ZFYVE27: variants seen among roughly 807,000 people sequenced by gnomAD.
The protein encoded by ZFYVE27 is zinc finger FYVE-type containing 27, also known as protrudin.
Under a neutral mutation model 52.8 loss-of-function variants are expected in ZFYVE27, and 36 were observed. The ratio of observed to expected loss-of-function variants is 0.68; its 90% CI spans 0.52 to 0.90. The LOEUF (loss-of-function observed/expected upper bound fraction) is 0.90, where lower values mean the gene tolerates loss of function less well. ZFYVE27 is among the 40% of genes least tolerant of loss of function. The pLI, the probability that ZFYVE27 is intolerant of heterozygous loss-of-function variation, is 0.00. For missense variants in ZFYVE27, 450 were observed against 527.2 expected, an observed-to-expected ratio of 0.85 and a Z score of 1.43; for synonymous variants, 223 against 215.6, an observed-to-expected ratio of 1.03 and a Z score of -0.30.
intron 12 of ZFYVE27, 54 bp from the exon 13 acceptor site, chr10:97,759,182 C>A (rs773919785): frequency 9.4e-6 from 15 of 1,601,192 alleles, no homozygotes; most frequent in Non-Finnish European, 1.3e-5. Context: ...GTAGTTGGGG[C>A]CATGAACCAA....
intron 3 of ZFYVE27, among the ~76,000 whole-genome samples, chr10:97,744,180 A>G (rs528209330): frequency 1.0e-3 from 157 of 152,346 alleles, no homozygotes; most frequent in African/African-American, 3.3e-3. Context: ...AGCATTTATT[A>G]TGGGCCCGCT....
At chr10:97,743,013 T>C (rs2044159971) in intron 2 of ZFYVE27, 81 bp from the exon 3 acceptor site, 12 of 1,462,240 alleles carry the variant, frequency 8.2e-6, no homozygotes, top group Non-Finnish European at 1.1e-5. Context: ...TCTGGTTTGA[T>C]GTCCCGTCTG....
At chr10:97,739,505 G>A (rs936801837) in intron 2 of ZFYVE27, among the ~76,000 whole-genome samples, 7 of 151,652 alleles carry the variant, frequency 4.6e-5, no homozygotes, top group African/African-American at 1.7e-4. Flanking sequence ...TACTTATATG[G>A]CATTCTACTC....
Position 97,760,850 on chromosome 10 carries a change from A to T in ZFYVE27, c.*1550A>T, listed in dbSNP as rs1332788311. On this transcript the variant is annotated 3_prime_UTR_variant, in exon 13 of 13. Transcript: ENST00000684270. ...TTTACACTGGAGAGGAACTAAAAGG[A>T]TCTCTGTGTCTATGGAGAATTGTCA... 1 of 152,220 alleles carries T rather than the reference A, an allele frequency of 6.6e-6. No individual in the cohort carries two copies. The highest frequency in any genetic ancestry group is 1.5e-5 in the Non-Finnish European group (1 of 68,050). The allele number at this position is 152,220 out of a possible 1,614,324, so 9.4% of individuals were successfully genotyped here.
chr10:97,749,533 T>C lies in ZFYVE27; in HGVS notation c.611T>C (p.Val204Ala). 1.9e-6 allele frequency: 3 copies of C among 1,614,170 alleles called. No homozygotes were observed. Among genetic ancestry groups the C allele is most frequent in the Non-Finnish European group, 2.5e-6 (3 of 1,180,020 alleles). The stretch of plus-strand genomic sequence containing the variant: ...CTGTATTTGCTGCCACTCTGCTGGG[T>C]TCTCACCCTTTTAAACAGCACGCTC... ...CMLYLLPLCW[V>A]LTLLNSTLFL... The change falls in exon 6 of 13, where the codon GTT becomes GCT. Residue 204 changes from valine to alanine, a missense_variant. Coordinates refer to ENST00000684270, the MANE Select transcript of ZFYVE27 (RefSeq NM_001385875.1).
intron 10 of ZFYVE27, 151 bp from the exon 11 acceptor site, chr10:97,757,114 G>C: frequency 2.0e-6 from 2 of 980,790 alleles, no homozygotes; most frequent in Non-Finnish European, 3.1e-6. Context: ...CCTTCTTTCT[G>C]TCTCTGAATC....
At chr10:97,744,676 C>A in intron 3 of ZFYVE27, 53 bp from the exon 4 acceptor site, 1 of 1,603,798 alleles carries the variant, frequency 6.2e-7, no homozygotes, top group Non-Finnish European at 8.5e-7. Flanking sequence ...CTGGGTGGGC[C>A]GACTCCTGGT....
intron 11 of ZFYVE27, 97 bp downstream of exon 11, chr10:97,757,408 G>C (rs1281691365): frequency 5.7e-6 from 9 of 1,567,070 alleles, no homozygotes. Context: ...TCTGGCTCGG[G>C]TCACATTGGG....
At chr10:97,743,631 G>C (rs917469418) in intron 3 of ZFYVE27, among the ~76,000 whole-genome samples, 2 of 152,218 alleles carry the variant, frequency 1.3e-5, no homozygotes, top group Non-Finnish European at 2.9e-5. Context: ...CATGAGTAAA[G>C]GTACTGGGAT....
intron 10 of ZFYVE27, among the ~76,000 whole-genome samples, chr10:97,754,066 C>G (rs767206546): frequency 2.6e-5 from 4 of 152,118 alleles, no homozygotes; most frequent in Non-Finnish European, 4.4e-5. Context: ...AGGAAGGGCC[C>G]TCCTGCCTGC....
chr10:97,738,866 A>G (rs748517875), intron 2 of ZFYVE27, 192 bp downstream of exon 2: 1 of 631,332 alleles, frequency 1.6e-6, no homozygotes, highest in Non-Finnish European at 2.8e-6. Flanking sequence ...CAGGAGAGGC[A>G]GATACTGGGA....
At chr10:97,743,225 G>A (rs2044224553) in intron 3 of ZFYVE27, 61 bp downstream of exon 3, 1 of 1,575,074 alleles carries the variant, frequency 6.3e-7, no homozygotes, top group African/African-American at 1.3e-5. Flanking sequence ...AGAACACCTG[G>A]ATGCAGCCCC....
intron 3 of ZFYVE27, 79 bp downstream of exon 3, chr10:97,743,243 G>A: frequency 6.7e-7 from 1 of 1,491,394 alleles, no homozygotes; most frequent in East Asian, 2.3e-5. Flanking sequence ...CCCACCCTAT[G>A]TGTGGGAGCT....
At chr10:97,754,676 GT>G (rs1260481688) in intron 10 of ZFYVE27, 1 of 1,289,104 alleles carries the variant, frequency 7.8e-7, no homozygotes, top group African/African-American at 1.5e-5. Flanking sequence ...TCAGTGATCT[GT>G]TTACCCTCCA....
At chr10:97,741,722 C>A in intron 2 of ZFYVE27, among the ~76,000 whole-genome samples, 1 of 152,106 alleles carries the variant, frequency 6.6e-6, no homozygotes, top group South Asian at 2.1e-4. Flanking sequence ...CGTAACAAAC[C>A]TGCACGTTCT....
intron 3 of ZFYVE27, among the ~76,000 whole-genome samples, chr10:97,744,505 C>T (rs1225925519): frequency 1.3e-5 from 2 of 152,244 alleles, no homozygotes; most frequent in Non-Finnish European, 2.9e-5. Flanking sequence ...GAGGAGACAA[C>T]AGACATGCCT....
At chr10:97,745,951 A>T (rs1258030228) in intron 4 of ZFYVE27, among the ~76,000 whole-genome samples, 1 of 151,770 alleles carries the variant, frequency 6.6e-6, no homozygotes, top group Non-Finnish European at 1.5e-5. Flanking sequence ...CGAGTCAGTT[A>T]TCTGGAGTGG....
At chr10:97,757,339 G>T in intron 11 of ZFYVE27, 28 bp downstream of exon 11, 1 of 1,614,088 alleles carries the variant, frequency 6.2e-7, no homozygotes, top group Non-Finnish European at 8.5e-7. Flanking sequence ...TGCATTTGTT[G>T]GGGACAGTGT....
At chr10:97,758,097 A>G in intron 12 of ZFYVE27, 1 of 167,490 alleles carries the variant, frequency 6.0e-6, no homozygotes, top group Non-Finnish European at 1.3e-5. Flanking sequence ...AAAACTAAAA[A>G]TTCCTTTTTT....
Sources: gnomAD v4.1 joint callset for allele counts (sites outside exome capture counted in the v4.1 genomes callset) on GRCh38, gnomAD v4.1.1 for gene constraint, MANE v1.5 for transcripts, NCBI Gene and HGNC (gene_info 2026-07-23, HGNC 2026-07-21) for gene names.